Variants in CACNA1A observed in about 807,000 individuals in gnomAD.
CACNA1A encodes the protein calcium voltage-gated channel subunit alpha1 A, also known as voltage-dependent P/Q-type calcium channel subunit alpha-1A.
CACNA1A carries 57 observed loss-of-function variants against 262.4 expected under a neutral mutation model. That is an observed-to-expected ratio of 0.22 (90% CI 0.18 to 0.27). CACNA1A has a LOEUF of 0.27. CACNA1A is among the 10% of genes least tolerant of loss of function. CACNA1A has a pLI of 1.00. For missense variants in CACNA1A, 2,526 were observed against 3,562.8 expected (o/e 0.71, Z 7.41); for synonymous variants, 1,431 against 1,419.3 (o/e 1.01, Z -0.18).
At chr19:13,291,894 A>C (rs1164116832) in intron 19 of CACNA1A, among the ~76,000 whole-genome samples, 2 of 152,162 alleles carry the variant, frequency 1.3e-5, no homozygotes, top group African/African-American at 4.8e-5. Flanking sequence ...ATGCAGGATA[A>C]ACTGTGGAGC....
chr19:13,492,242 C>T (rs1568702820), intron 1 of CACNA1A, among the ~76,000 whole-genome samples: 1 of 152,068 alleles, frequency 6.6e-6, no homozygotes, highest in African/African-American at 2.4e-5. Flanking sequence ...TCAAAGACAT[C>T]GGTAAAGAAT....
chr19:13,259,468 G>C (rs1006824381), intron 27 of CACNA1A, 96 bp downstream of exon 27: 2 of 1,238,420 alleles, frequency 1.6e-6, no homozygotes, highest in East Asian at 2.6e-5. Context: ...CACCATGCCC[G>C]GCCTCCAAGA....
intron 6 of CACNA1A, among the ~76,000 whole-genome samples, chr19:13,342,655 G>A (rs949396800): frequency 6.6e-6 from 1 of 152,072 alleles, no homozygotes; most frequent in African/African-American, 2.4e-5. Context: ...GGAAATAGCT[G>A]TCATTTTGGA....
At chr19:13,316,401 A>T (rs185813702) in intron 11 of CACNA1A, 178 of 152,332 alleles carry the variant, frequency 1.2e-3, no homozygotes, top group African/African-American at 3.8e-3. Flanking sequence ...AGAATCTGGG[A>T]ATAGGCCCAG....
chr19:13,416,498 T>C (rs1046516433), intron 3 of CACNA1A, among the ~76,000 whole-genome samples: 1 of 151,976 alleles, frequency 6.6e-6, no homozygotes, highest in Admixed American at 6.6e-5. Context: ...CTAGCCAACA[T>C]GGTGAAACCC....
intron 34 of CACNA1A, among the ~76,000 whole-genome samples, chr19:13,234,350 C>CAAAAAAAAAAAAAAAAAAAAA (rs71168693): frequency 2.8e-5 from 2 of 71,242 alleles, no homozygotes; most frequent in Non-Finnish European, 4.8e-5. Context: ...ACTCCATCTC[C>CAAAAAAAAAAAAAAAAAAAAA]AAAAAAAAAA....
chr19:13,376,770 A>G (rs2059417269), intron 3 of CACNA1A, among the ~76,000 whole-genome samples: 1 of 138,588 alleles, frequency 7.2e-6, no homozygotes. Flanking sequence ...TGTGACATAT[A>G]TAACACATAA....
At chr19:13,378,466 G>A (rs2059454921) in intron 3 of CACNA1A, among the ~76,000 whole-genome samples, 1 of 152,108 alleles carries the variant, frequency 6.6e-6, no homozygotes, top group African/African-American at 2.4e-5. Flanking sequence ...GAAAGGAAGA[G>A]TCGATGGATG....
chr19:13,314,524 C>A (rs10421176), intron 11 of CACNA1A, among the ~76,000 whole-genome samples: 36,820 of 151,998 alleles, frequency 0.24, 4,682 homozygotes, highest in African/African-American at 0.33. Context: ...CATGTAAGGA[C>A]CCAGTGTTCC....
rs1221771021 is a variant in CACNA1A at position 13,356,129 on chromosome 19, C to A, written c.978+3477G>T. ...GGCCAGCGAGGGGAATAAAGTAAGA[C>A]CTCTCACACCTCACTCCACTTCCTC... On this transcript the variant is annotated intron_variant, in intron 6 of 46. Coordinates refer to ENST00000360228, the MANE Select transcript of CACNA1A (RefSeq NM_001127222.2). Among the ~76,000 whole-genome samples the A allele has an allele frequency of 4.6e-5, 7 of 152,156 alleles. No homozygotes were observed. The East Asian group carries it at 1.3e-3, about 29-fold the overall frequency.
intron 3 of CACNA1A, among the ~76,000 whole-genome samples, chr19:13,422,979 T>C (rs940124810): frequency 6.6e-6 from 1 of 152,226 alleles, no homozygotes; most frequent in Non-Finnish European, 1.5e-5. Flanking sequence ...TAATAAACCA[T>C]AACTGAATTT....
intron 3 of CACNA1A, among the ~76,000 whole-genome samples, chr19:13,428,771 C>T (rs137861897): frequency 2.0e-5 from 3 of 152,238 alleles, no homozygotes; most frequent in African/African-American, 4.8e-5. Context: ...GATCCGCTCT[C>T]ATGGATGTCA....
chr19:13,318,460 G>A (rs979828562), intron 10 of CACNA1A, among the ~76,000 whole-genome samples: 3 of 152,078 alleles, frequency 2.0e-5, no homozygotes, highest in African/African-American at 4.8e-5. Context: ...CCTGAGTGAG[G>A]GGGGAGCCGT....
intron 3 of CACNA1A, among the ~76,000 whole-genome samples, chr19:13,392,931 G>A (rs532755197): frequency 5.3e-5 from 8 of 152,024 alleles, no homozygotes; most frequent in African/African-American, 7.3e-5. Context: ...ATTTTTTTGC[G>A]GAGACGGGGT....
At chr19:13,424,755 A>G (rs1465508950) in intron 3 of CACNA1A, among the ~76,000 whole-genome samples, 1 of 151,890 alleles carries the variant, frequency 6.6e-6, no homozygotes, top group Non-Finnish European at 1.5e-5. Context: ...GATGACAGGC[A>G]TAAGTCATAG....
chr19:13,410,854 A>G (rs2060098229), intron 3 of CACNA1A, among the ~76,000 whole-genome samples: 1 of 152,166 alleles, frequency 6.6e-6, no homozygotes, highest in Admixed American at 6.6e-5. Context: ...CATGACAGCC[A>G]GCACCCACAT....
intron 3 of CACNA1A, among the ~76,000 whole-genome samples, chr19:13,435,038 C>T (rs1043608540): frequency 1.3e-5 from 2 of 152,054 alleles, no homozygotes; most frequent in Non-Finnish European, 2.9e-5. Context: ...AATCTTCCCA[C>T]CTTGGCCTCC....
Position 13,207,664 on chromosome 19 carries a change from C to T in CACNA1A, c.7170G>A (p.Trp2390Ter). Residue 2390 changes from tryptophan to a stop codon, truncating the protein, a stop_gained, in exon 47 of 47, where the codon TGG becomes TGA. Transcript: ENST00000360228. LOFTEE classifies it low-confidence loss of function (END_TRUNC). The surrounding 1 kb of genome is among the most constrained non-coding windows in gnomAD (Gnocchi z 5.7). ...PRACRHGGAR[W>*]PASGPHVSEG... Reference sequence around the variant, plus strand: ...CGGACACGTGCGGGCCAGATGCCGGCCACCGGGCCCCGCCGTGTCGACAGG... The same window carrying T: ...CGGACACGTGCGGGCCAGATGCCGGTCACCGGGCCCCGCCGTGTCGACAGG... 7.0e-7 allele frequency: 1 copy of T among 1,437,792 alleles called. No individual in the cohort carries two copies. The highest frequency in any genetic ancestry group is 9.1e-7 in the Non-Finnish European group (1 of 1,094,580). 89.1% of individuals were successfully genotyped at this position (1,437,792 alleles called of 1,614,324 possible).
chr19:13,372,916 G>A (rs891396767), intron 3 of CACNA1A, among the ~76,000 whole-genome samples: 2 of 152,094 alleles, frequency 1.3e-5, no homozygotes, highest in African/African-American at 2.4e-5. Context: ...GAAACCCTCC[G>A]AGCAAGACCC....
Sources: allele counts gnomAD v4.1 joint callset (sites outside exome capture counted in the v4.1 genomes callset), GRCh38; gene constraint gnomAD v4.1.1; non-coding constraint Gnocchi (gnomAD v3.1); transcripts MANE v1.5; gene names NCBI Gene and HGNC (gene_info 2026-07-23, HGNC 2026-07-21).